The following RGS4 variants were observed in gnomAD, a reference collection of about 807,000 sequenced individuals.
The protein encoded by RGS4 is regulator of G protein signaling 4, also known as schizophrenia disorder 9.
RGS4 carries 15 observed loss-of-function variants against 21.6 expected under a neutral mutation model. The observed-to-expected ratio is 0.69, with a 90% CI of 0.46 to 1.07. The LOEUF is 1.07. Ranked by LOEUF, RGS4 falls within the 50% of genes least tolerant of loss-of-function variation. The pLI is 0.00. For missense variants in RGS4, 237 were observed against 239.0 expected (o/e 0.99, Z 0.06); for synonymous variants, 94 against 85.5 (o/e 1.10, Z -0.55).
At chr1:163,069,219 A>G (rs761749898), upstream of RGS4, 18 of 1,533,146 alleles carry the variant, frequency 1.2e-5, no homozygotes, top group Non-Finnish European at 1.4e-5. Context: ...AACATTGCTG[A>G]TGCGTCAGTC....
chr1:163,073,592 T>A lies in RGS4; in HGVS notation c.348T>A (p.Asn116Lys). Residue 116 changes from asparagine (N) to lysine (K), a missense_variant, in exon 4 of 5, where the codon AAT (asparagine) becomes AAA (lysine). Physicochemically the swap from Asn to Lys is moderately conservative, Grantham distance 94. Coordinates refer to ENST00000367909, the MANE Select transcript of RGS4 (RefSeq NM_005613.6). ...KLSPKAKKIY[N>K]EFISVQATKE... ...GTCCCAAGGCCAAAAAGATCTATAATGAATTCATCTCAGTCCAGGCAACCA... is the reference window on the plus strand; with the variant it reads ...GTCCCAAGGCCAAAAAGATCTATAAAGAATTCATCTCAGTCCAGGCAACCA... 1 of 1,606,786 alleles carries A rather than the reference T, an allele frequency of 6.2e-7. No individual in the cohort carries two copies. The highest frequency in any genetic ancestry group is 8.5e-7 in the Non-Finnish European group (1 of 1,178,072).
At chr1:163,072,301 T>C (rs1655344867) in intron 1 of RGS4, 94 bp from the exon 2 acceptor site, 3 of 1,002,528 alleles carry the variant, frequency 3.0e-6, no homozygotes, top group Non-Finnish European at 4.4e-6. Flanking sequence ...CTCTGAGCCA[T>C]AGACTAGTAA....
At chr1:163,071,367 G>A (rs1213964207) in intron 1 of RGS4, among the ~76,000 whole-genome samples, 1 of 151,998 alleles carries the variant, frequency 6.6e-6, no homozygotes, top group Non-Finnish European at 1.5e-5. Context: ...TTATATCTTT[G>A]AGGCTTTATT....
rs11544157 is a variant in RGS4, at chr1:163,074,434, C to G, written c.492C>G (p.Ser164=). The change falls in exon 5 of 5, where the codon TCC becomes TCG. Residue 164 remains serine, a synonymous_variant. Coordinates refer to ENST00000367909, the MANE Select transcript of RGS4 (RefSeq NM_005613.6). The part of the protein sequence containing the change: ...KKIFNLMEKD[S]YRRFLKSRFY... ...TTTTCAACCTGATGGAGAAGGATTCCTACCGCCGCTTCCTCAAGTCTCGAT... is the reference window on the plus strand; with the variant it reads ...TTTTCAACCTGATGGAGAAGGATTCGTACCGCCGCTTCCTCAAGTCTCGAT... 15 of 1,613,766 alleles carry G rather than the reference C, an allele frequency of 9.3e-6. No individual in the cohort carries two copies. Among genetic ancestry groups the G allele is most frequent in the Non-Finnish European group, 1.3e-5 (15 of 1,179,828 alleles).
chr1:163,074,295 A>G, intron 4 of RGS4, 26 bp from the exon 5 acceptor site: 1 of 1,612,972 alleles, frequency 6.2e-7, no homozygotes, highest in Non-Finnish European at 8.5e-7. Flanking sequence ...TATAGGTCTA[A>G]TGAAGCCTTG....
rs1436146691 is a variant in RGS4, at chr1:163,072,862, T to C, written c.207T>C (p.His69=). ...WAESLENLIS[H]ECGLAAFKAF... is the part of the protein sequence containing the mutation. Reference sequence around the variant, plus strand: ...AATCACTGGAAAACCTGATTAGTCATGAATGTAAGTCTGACAGCAACCTGG... The same window carrying C: ...AATCACTGGAAAACCTGATTAGTCACGAATGTAAGTCTGACAGCAACCTGG... Residue 69 remains histidine, a synonymous_variant, in exon 3 of 5, where the codon CAT becomes CAC. Coordinates refer to ENST00000367909, the MANE Select transcript of RGS4 (RefSeq NM_005613.6). 3 of 1,612,768 alleles carry C rather than the reference T, an allele frequency of 1.9e-6. No homozygotes were observed. The highest frequency in any genetic ancestry group is 2.2e-5 in the South Asian group (2 of 91,028).
At position 163,072,794 on chromosome 1, in the gene RGS4, A is replaced by G. The variant is rs548972447; in HGVS notation, c.150-11A>G. 3.7e-6 allele frequency: 6 copies of G among 1,610,614 alleles called. No individual in the cohort carries two copies. Among genetic ancestry groups the G allele is most frequent in the East Asian group, 4.5e-5 (2 of 44,724 alleles). ...CATTCCAATTATTCTGTTTCTCTCT[A>G]TTTTTTCTAGAGTGAGCCAAGAGGA... On this transcript the variant is annotated splice_polypyrimidine_tract_variant and intron_variant, in intron 2 of 4. Transcript: ENST00000367909.
Position 163,072,418 on chromosome 1 carries a change from T to C in RGS4, c.68T>C (p.Leu23Pro). 1 of 1,613,012 alleles carries C rather than the reference T, an allele frequency of 6.2e-7. No individual in the cohort carries two copies. The highest frequency in any genetic ancestry group is 8.5e-7 in the Non-Finnish European group (1 of 1,179,354). Reference protein sequence around the residue: ...LRSAKDMKHRLGFLLQKSDSC... With the variant: ...LRSAKDMKHRPGFLLQKSDSC... ...AGTGCAAAAGATATGAAACATCGGC[T>C]AGGTTTCCTGCTGCAAAAATCTGAT... The change falls in exon 2 of 5, where the codon CTA becomes CCA. Residue 23 changes from leucine to proline, a missense_variant. Leu to Pro is a moderately conservative substitution (Grantham distance 98). Transcript: ENST00000367909.
rs1239180730 is a variant in RGS4 at position 163,073,631 on chromosome 1, T to G, written c.378+9T>G. 4 of 1,566,818 alleles carry G rather than the reference T, an allele frequency of 2.6e-6. No individual in the cohort carries two copies. The highest frequency in any genetic ancestry group is 3.5e-6 in the Non-Finnish European group (4 of 1,158,624). The stretch of plus-strand genomic sequence containing the variant: ...TCCAGGCAACCAAAGAGGTAGGTTT[T>G]TTATGGATACATAAAAATTGTACGT... On this transcript the variant is annotated intron_variant, in intron 4 of 4. Coordinates refer to ENST00000367909, the MANE Select transcript of RGS4 (RefSeq NM_005613.6).
At chr1:163,069,345 C>G, upstream of RGS4, 2 of 1,553,900 alleles carry the variant, frequency 1.3e-6, no homozygotes, top group Non-Finnish European at 1.7e-6. Flanking sequence ...AAAGAGACCC[C>G]TACAGGCTTA....
intron 4 of RGS4, chr1:163,073,913 C>A: frequency 2.7e-6 from 1 of 369,744 alleles, no homozygotes; most frequent in Non-Finnish European, 4.8e-6. Context: ...CCAACCTGAC[C>A]AAAAAGGTAA....
Position 163,073,529 on chromosome 1 carries a change from T to A in RGS4, c.285T>A (p.Cys95Ter). ...AGAATATTGACTTCTGGATCAGCTG[T>A]GAAGAGTACAAGAAAATCAAATCAC... Reference protein sequence around the residue: ...SEENIDFWISCEEYKKIKSPS... With the variant: ...SEENIDFWIS Residue 95 changes from cysteine to a stop codon, truncating the protein, a stop_gained, in exon 4 of 5, where the codon TGT (cysteine) becomes TGA (stop). Coordinates refer to ENST00000367909, the MANE Select transcript of RGS4 (RefSeq NM_005613.6). LOFTEE classifies it high-confidence loss of function. The A allele has an allele frequency of 1.9e-6, 3 of 1,611,632 alleles. No individual in the cohort carries two copies.
chr1:163,073,416 C>A (rs1341230212), intron 3 of RGS4, 40 bp from the exon 4 acceptor site: 4 of 1,493,686 alleles, frequency 2.7e-6, no homozygotes, highest in African/African-American at 2.8e-5. Context: ...AGAGGCCAAC[C>A]AGTGTGATGA....
chr1:163,072,364 CTATT>C (rs1265321521), intron 1 of RGS4, 27 bp from the exon 2 acceptor site: 1 of 1,490,888 alleles, frequency 6.7e-7, no homozygotes, highest in Non-Finnish European at 9.3e-7. Flanking sequence ...CTGGTTATTA[CTATT>C]TATTCATTTT....
chr1:163,073,738 T>C (rs144270982), intron 4 of RGS4, 116 bp downstream of exon 4: 161 of 626,670 alleles, frequency 2.6e-4, no homozygotes, highest in Non-Finnish European at 3.7e-4. Flanking sequence ...TATACATATC[T>C]CAAACATTTA....
upstream of RGS4, chr1:163,069,273 A>T: frequency 1.3e-6 from 2 of 1,550,772 alleles, no homozygotes; most frequent in Non-Finnish European, 1.7e-6. Context: ...GCAGAGGGAG[A>T]CAGAGGAGCT....
intron 4 of RGS4, 42 bp downstream of exon 4, chr1:163,073,664 G>T: frequency 7.4e-7 from 1 of 1,350,882 alleles, no homozygotes. Context: ...CGTATTTATG[G>T]AGTATGTGTG....
At chr1:163,071,855 G>GCCGCCCCCCCCCCCCCCCCCCCC (rs1557859054) in intron 1 of RGS4, 1 of 1,816 alleles carries the variant, frequency 5.5e-4, no homozygotes, top group Admixed American at 5.6e-3. Flanking sequence ...GGAACTGCTT[G>GCCGCCCCCCCCCCCCCCCCCCCC]CCCCCCCCCC....
rs1655391617 is a variant in RGS4 at position 163,073,498 on chromosome 1, G to C, written c.254G>C (p.Ser85Thr). The C allele has an allele frequency of 6.2e-7, 1 of 1,604,146 alleles. No homozygotes were observed. The highest frequency in any genetic ancestry group is 8.5e-7 in the Non-Finnish European group (1 of 1,177,168). The change falls in exon 4 of 5, where the codon AGT (serine) becomes ACT (threonine). Residue 85 changes from serine (S) to threonine (T), a missense_variant. By Grantham distance (58) the Ser-to-Thr change is moderately conservative. Transcript: ENST00000367909. ...AFKAFLKSEY[S>T]EENIDFWISC... The stretch of plus-strand genomic sequence containing the variant: ...AAAGCTTTCTTGAAGTCTGAATATA[G>C]TGAGGAGAATATTGACTTCTGGATC...
Sources: allele counts gnomAD v4.1 joint callset (sites outside exome capture counted in the v4.1 genomes callset), GRCh38; gene constraint gnomAD v4.1.1; transcripts MANE v1.5; gene names NCBI Gene and HGNC (gene_info 2026-07-23, HGNC 2026-07-21).